ERC2: variants seen among roughly 807,000 people sequenced by gnomAD.
The protein encoded by ERC2 is ELKS/RAB6-interacting/CAST family member 2.
In ERC2, 42 loss-of-function variants were observed where a neutral mutation model predicts 114.8. That is an observed-to-expected ratio of 0.37 (90% CI 0.29 to 0.47). The LOEUF is 0.47. ERC2 is among the 20% of genes least tolerant of loss of function. The probability of loss-of-function intolerance (pLI) is 0.99; values close to 1 mark genes in which losing one functional copy is unlikely to be tolerated. For missense variants in ERC2, 939 were observed against 1,150.7 expected, an observed-to-expected ratio of 0.82 and a Z score of 2.66; for synonymous variants, 454 against 425.5, an observed-to-expected ratio of 1.07 and a Z score of -0.82.
chr3:56,401,928 G>T (rs866477913), intron 2 of ERC2, among the ~76,000 whole-genome samples: 1 of 152,102 alleles, frequency 6.6e-6, no homozygotes, highest in South Asian at 2.1e-4. Flanking sequence ...CACATGGCTG[G>T]GAAGCCTCAC....
At chr3:55,856,709 T>G (rs1302678065) in intron 14 of ERC2, among the ~76,000 whole-genome samples, 1 of 152,094 alleles carries the variant, frequency 6.6e-6, no homozygotes, top group East Asian at 1.9e-4. Context: ...ACATAAAAAC[T>G]TGCACATGAA....
chr3:55,716,978 A>T (rs2064157401), intron 15 of ERC2, among the ~76,000 whole-genome samples: 1 of 152,114 alleles, frequency 6.6e-6, no homozygotes, highest in Non-Finnish European at 1.5e-5. Flanking sequence ...CTGATCTGTC[A>T]ACCAGATCTA....
chr3:56,459,705 A>G (rs545328422), intron 1 of ERC2, among the ~76,000 whole-genome samples: 8 of 152,316 alleles, frequency 5.3e-5, no homozygotes, highest in Admixed American at 5.2e-4. Context: ...CTCTTCATCC[A>G]GTGGGGCTAT....
chr3:55,559,588 T>C (rs1390236798), intron 17 of ERC2, among the ~76,000 whole-genome samples: 4 of 152,172 alleles, frequency 2.6e-5, no homozygotes, highest in African/African-American at 9.6e-5. Flanking sequence ...AAGTCCCCAA[T>C]GGATGGGGCC....
intron 17 of ERC2, among the ~76,000 whole-genome samples, chr3:55,562,496 G>T (rs1185412373): frequency 2.0e-5 from 3 of 152,112 alleles, no homozygotes; most frequent in Non-Finnish European, 4.4e-5. Context: ...TTGAGTATTT[G>T]TCACTTGAAA....
chr3:55,721,590 C>T (rs1179342935), intron 15 of ERC2, among the ~76,000 whole-genome samples: 2 of 152,232 alleles, frequency 1.3e-5, no homozygotes, highest in African/African-American at 4.8e-5. Context: ...AAATGAGCTG[C>T]CCAAGGTTTC....
At chr3:56,211,132 T>G (rs573761265) in intron 3 of ERC2, among the ~76,000 whole-genome samples, 7 of 152,238 alleles carry the variant, frequency 4.6e-5, no homozygotes, top group African/African-American at 1.2e-4. Flanking sequence ...ATAAAGGGCA[T>G]CCAAATTGGT....
intron 7 of ERC2, among the ~76,000 whole-genome samples, chr3:56,032,999 G>GAAA (rs1252921113): frequency 9.3e-6 from 1 of 107,320 alleles, no homozygotes; most frequent in African/African-American, 3.4e-5. Context: ...AAGAAAGAAA[G>GAAA]AAAGAAAGAA....
intron 13 of ERC2, among the ~76,000 whole-genome samples, chr3:55,946,077 T>A (rs2067105630): frequency 6.7e-6 from 1 of 148,878 alleles, no homozygotes; most frequent in African/African-American, 2.5e-5. Flanking sequence ...AAGAAAAAAA[T>A]AAATAAAAAT....
chr3:56,420,401 T>C (rs961979644), intron 2 of ERC2, among the ~76,000 whole-genome samples: 1 of 151,814 alleles, frequency 6.6e-6, no homozygotes, highest in African/African-American at 2.4e-5. Flanking sequence ...TGGTCTCAAA[T>C]TCCTGGGCTC....
intron 14 of ERC2, among the ~76,000 whole-genome samples, chr3:55,773,604 T>C (rs2068383305): frequency 1.3e-5 from 2 of 152,242 alleles, no homozygotes; most frequent in Admixed American, 1.3e-4. Flanking sequence ...ATATCAGCTC[T>C]ATGAGGCAGG....
In ERC2 at chr3:55,510,796, C is replaced by T. The variant is rs1257493651; in HGVS notation, c.*520G>A. 6 of 152,122 alleles carry T rather than the reference C, an allele frequency of 3.9e-5. No homozygotes were observed. The highest frequency in any genetic ancestry group is 2.1e-4 in the South Asian group (1 of 4,834). 9.4% of individuals were successfully genotyped at this position (152,122 alleles called of 1,614,324 possible). ...CACTGCCAACACCACTCACTCACAG[C>T]GAATTTATACTTTTTGATAATCTAA... On this transcript the variant is annotated 3_prime_UTR_variant, in exon 18 of 18. Coordinates refer to ENST00000288221, the MANE Select transcript of ERC2 (RefSeq NM_015576.3).
At chr3:55,946,267 G>A (rs185896186) in intron 13 of ERC2, among the ~76,000 whole-genome samples, 28 of 152,142 alleles carry the variant, frequency 1.8e-4, no homozygotes, top group African/African-American at 6.7e-4. Flanking sequence ...AAGCTCTACA[G>A]AATTATACAA....
chr3:55,574,380 A>G (rs2056871562), intron 17 of ERC2, among the ~76,000 whole-genome samples: 1 of 152,134 alleles, frequency 6.6e-6, no homozygotes, highest in South Asian at 2.1e-4. Context: ...TTTATCTCCC[A>G]AGTCATCTGG....
chr3:55,867,356 A>G (rs1379182636), intron 14 of ERC2, among the ~76,000 whole-genome samples: 1 of 152,170 alleles, frequency 6.6e-6, no homozygotes, highest in East Asian at 1.9e-4. Flanking sequence ...TAGGTGTTCA[A>G]TAAGTGTTTT....
At chr3:55,805,939 T>C (rs2059470106) in intron 14 of ERC2, among the ~76,000 whole-genome samples, 1 of 152,062 alleles carries the variant, frequency 6.6e-6, no homozygotes, top group Admixed American at 6.6e-5. Context: ...TTGTCTACTA[T>C]GAGGAGAAAG....
chr3:55,721,460 G>T (rs759710844), intron 15 of ERC2, among the ~76,000 whole-genome samples: 2 of 152,250 alleles, frequency 1.3e-5, no homozygotes, highest in Non-Finnish European at 2.9e-5. Context: ...AGTACTTAAC[G>T]TACTATGTGT....
chr3:56,055,157 C>T (rs2075957868), intron 7 of ERC2, among the ~76,000 whole-genome samples: 1 of 152,228 alleles, frequency 6.6e-6, no homozygotes, highest in African/African-American at 2.4e-5. Flanking sequence ...ATCTGCTCAA[C>T]AGTTTGCCTC....
At chr3:56,287,146 G>T (rs2150337819) in intron 3 of ERC2, among the ~76,000 whole-genome samples, 1 of 152,298 alleles carries the variant, frequency 6.6e-6, no homozygotes, top group East Asian at 1.9e-4. Context: ...TACCAAATTA[G>T]AAGAGCAATG....
Sources: gnomAD v4.1 joint callset for allele counts (sites outside exome capture counted in the v4.1 genomes callset) on GRCh38, gnomAD v4.1.1 for gene constraint, MANE v1.5 for transcripts, NCBI Gene and HGNC (gene_info 2026-07-23, HGNC 2026-07-21) for gene names.